Variants in TM7SF3 observed in about 807,000 individuals in gnomAD.
The protein encoded by TM7SF3 is seven span transmembrane protein.
A neutral mutation model predicts 65.5 loss-of-function variants in TM7SF3; 60 were observed. The observed-to-expected ratio is 0.92, with a 90% CI of 0.74 to 1.14. TM7SF3 has a LOEUF of 1.14. TM7SF3 is among the 50% of genes most tolerant of loss of function. The pLI is 0.00. For synonymous variants in TM7SF3, 264 were observed against 259.6 expected (o/e 1.02, Z -0.16); for missense variants, 623 against 684.8 (o/e 0.91, Z 1.01).
chr12:26,976,140 T>A, intron 10 of TM7SF3, 120 bp downstream of exon 10: 1 of 730,028 alleles, frequency 1.4e-6, no homozygotes. Flanking sequence ...GAATCAGTCA[T>A]CTGATACAGG....
At chr12:27,003,119 A>T in intron 2 of TM7SF3, 117 bp downstream of exon 2, 1 of 745,220 alleles carries the variant, frequency 1.3e-6, no homozygotes, top group Non-Finnish European at 2.1e-6. Context: ...TTTAAAATTT[A>T]AGACATAAGA....
chr12:26,996,502 CATAAT>C (rs1238088451), intron 4 of TM7SF3, among the ~76,000 whole-genome samples: 3 of 152,152 alleles, frequency 2.0e-5, no homozygotes, highest in African/African-American at 4.8e-5. Flanking sequence ...TTTTCAAGCT[CATAAT>C]AGACTCACAT....
chr12:27,011,244 GCAT>G (rs1565472244), intron 1 of TM7SF3, among the ~76,000 whole-genome samples: 1 of 152,210 alleles, frequency 6.6e-6, no homozygotes, highest in African/African-American at 2.4e-5. Flanking sequence ...CCTTGGTAAA[GCAT>G]CATCAATAGC....
At chr12:26,996,370 A>G (rs1940597783) in intron 4 of TM7SF3, among the ~76,000 whole-genome samples, 2 of 152,366 alleles carry the variant, frequency 1.3e-5, no homozygotes, top group Admixed American at 6.5e-5. Flanking sequence ...TATCATTACT[A>G]TTAAAGCAGA....
At chr12:26,983,350 A>G (rs1424340612) in intron 6 of TM7SF3, 1 of 327,834 alleles carries the variant, frequency 3.1e-6, no homozygotes, top group African/African-American at 2.1e-5. Context: ...AAACTGTGGA[A>G]AACAATTGAG....
intron 2 of TM7SF3, among the ~76,000 whole-genome samples, chr12:27,000,295 T>C (rs1940776678): frequency 6.6e-6 from 1 of 152,188 alleles, no homozygotes; most frequent in South Asian, 2.1e-4. Flanking sequence ...AATTCCCAAG[T>C]GTTTCAATTA....
intron 5 of TM7SF3, among the ~76,000 whole-genome samples, chr12:26,993,478 G>A (rs895821447): frequency 1.3e-5 from 2 of 152,142 alleles, no homozygotes; most frequent in African/African-American, 4.8e-5. Context: ...TATACCACAG[G>A]TGATGGTGAT....
At chr12:27,003,713 G>C (rs61923437) in intron 1 of TM7SF3, among the ~76,000 whole-genome samples, 11,085 of 152,254 alleles carry the variant, frequency 0.073, 513 homozygotes, top group Non-Finnish European at 0.1. Flanking sequence ...CAGAGTCCCT[G>C]AATTTAAAGA....
At chr12:27,002,406 G>A (rs1034685812) in intron 2 of TM7SF3, among the ~76,000 whole-genome samples, 5 of 151,872 alleles carry the variant, frequency 3.3e-5, no homozygotes, top group African/African-American at 7.3e-5. Flanking sequence ...ACATTCCGGC[G>A]TGGGTGATGG....
intron 8 of TM7SF3, chr12:26,980,283 G>A: frequency 1.9e-6 from 1 of 526,538 alleles, no homozygotes; most frequent in Non-Finnish European, 3.3e-6. Flanking sequence ...TTTGCTTGTT[G>A]TACATCTCAT....
Position 26,974,001 on chromosome 12 carries a change from C to T in TM7SF3, c.1677G>A (p.Glu559=), listed in dbSNP as rs1939462505. Residue 559 remains glutamate (E), a synonymous_variant, in exon 12 of 12, where the codon GAG becomes GAA. Transcript: ENST00000343028. The part of the protein sequence containing the change: ...LTQIKGLFQK[E]QPAGERTPLL... ...AAGGCGTTCTCTCTCCAGCTGGCTG[C>T]TCCTTCTGGAAGAGCCCTTTAATCT... 2 of 1,614,082 alleles carry T rather than the reference C, an allele frequency of 1.2e-6. No homozygotes were observed. The highest frequency in any genetic ancestry group is 2.7e-5 in the African/African-American group (2 of 74,918).
At chr12:26,991,280 G>T (rs1346739585) in intron 5 of TM7SF3, among the ~76,000 whole-genome samples, 3 of 150,526 alleles carry the variant, frequency 2.0e-5, no homozygotes, top group Non-Finnish European at 3.0e-5. Context: ...AGCCTCCCCA[G>T]TAGCTGGGAC....
At position 27,014,332 on chromosome 12, in the gene TM7SF3, G is replaced by T; in HGVS notation, c.-164C>A. On this transcript the variant is annotated 5_prime_UTR_variant, in exon 1 of 12. Coordinates refer to ENST00000343028, the MANE Select transcript of TM7SF3 (RefSeq NM_016551.3). ...ACCTGCCAGCTCCGCAGCCGCCGGC[G>T]CGCGCCCCGCCGAACTCCTAGCCCC... 2.4e-6 allele frequency: 1 copy of T among 421,672 alleles called. No individual in the cohort carries two copies. Among genetic ancestry groups the T allele is most frequent in the Non-Finnish European group, 4.0e-6 (1 of 252,088 alleles). 26.1% of individuals were successfully genotyped at this position (421,672 alleles called of 1,614,324 possible).
chr12:26,984,894 A>G (rs766332458), intron 6 of TM7SF3, among the ~76,000 whole-genome samples: 1 of 152,240 alleles, frequency 6.6e-6, no homozygotes, highest in Non-Finnish European at 1.5e-5. Flanking sequence ...TAACTATGAC[A>G]GTATTGCTAA....
At chr12:26,980,521 C>T in intron 8 of TM7SF3, 45 bp downstream of exon 8, 1 of 982,882 alleles carries the variant, frequency 1.0e-6, no homozygotes, top group Non-Finnish European at 1.6e-6. Flanking sequence ...AAACACAGCA[C>T]CTGCCTTCTT....
In TM7SF3 at chr12:26,976,320, C is replaced by T; in HGVS notation, c.1227G>A (p.Trp409Ter). Residue 409 changes from tryptophan (W) to a stop codon, truncating the protein, a stop_gained, in exon 10 of 12, where the codon TGG becomes TGA. Coordinates refer to ENST00000343028, the MANE Select transcript of TM7SF3 (RefSeq NM_016551.3). LOFTEE classifies it high-confidence loss of function. Reference sequence around the variant, plus strand: ...GGATAGCTATGCAAGAGAAAGTGACCCAGAATACACCATCATCATGAAAAA... The same window carrying T: ...GGATAGCTATGCAAGAGAAAGTGACTCAGAATACACCATCATCATGAAAAA... The part of the protein sequence containing the change: ...LKIFHDDGVF[W>*]VTFSCIAILI... The T allele has an allele frequency of 6.2e-7, 1 of 1,613,858 alleles. No homozygotes were observed. The highest frequency in any genetic ancestry group is 8.5e-7 in the Non-Finnish European group (1 of 1,179,914).
intron 1 of TM7SF3, among the ~76,000 whole-genome samples, chr12:27,009,344 A>G (rs914808151): frequency 2.0e-5 from 3 of 152,164 alleles, no homozygotes; most frequent in Non-Finnish European, 4.4e-5. Context: ...TAATTTAGGA[A>G]GAAATGATAC....
At chr12:26,999,395 CA>C (rs11449540) in intron 3 of TM7SF3, 130 bp downstream of exon 3, 147,336 of 832,334 alleles carry the variant, frequency 0.18, 4,013 homozygotes, top group Non-Finnish European at 0.2. Flanking sequence ...GACTCCATCT[CA>C]AAAAAAAAAA....
chr12:26,978,025 G>C (rs1939649080), intron 9 of TM7SF3: 1 of 437,624 alleles, frequency 2.3e-6, no homozygotes, highest in Non-Finnish European at 4.5e-6. Flanking sequence ...GAGCCTTAGA[G>C]TTTGAGGTTG....
Sources: gnomAD v4.1 joint callset for allele counts (sites outside exome capture counted in the v4.1 genomes callset) on GRCh38, gnomAD v4.1.1 for gene constraint, MANE v1.5 for transcripts, NCBI Gene and HGNC (gene_info 2026-07-23, HGNC 2026-07-21) for gene names.